Variants in IFT81 observed in about 807,000 individuals in gnomAD.
IFT81 encodes the protein intraflagellar transport protein 81 homolog.
A neutral mutation model predicts 102.6 loss-of-function variants in IFT81; 72 were observed. The observed-to-expected ratio is 0.70, with a 90% CI of 0.58 to 0.85. IFT81 has a LOEUF of 0.85. IFT81 is among the 40% of genes least tolerant of loss of function. The probability of loss-of-function intolerance (pLI) is 0.00; values close to 1 mark genes in which losing one functional copy is unlikely to be tolerated. For missense variants in IFT81, 723 were observed against 787.3 expected, an observed-to-expected ratio of 0.92 and a Z score of 0.98; for synonymous variants, 237 against 242.7, an observed-to-expected ratio of 0.98 and a Z score of 0.22.
At chr12:110,203,836 A>G (rs970187064) in intron 14 of IFT81, 28 bp from the exon 15 acceptor site, 1 of 1,470,818 alleles carries the variant, frequency 6.8e-7, no homozygotes, top group Admixed American at 1.7e-5. Context: ...TTTTTCACTT[A>G]TTCAATCATT....
intron 8 of IFT81, among the ~76,000 whole-genome samples, chr12:110,138,419 C>G (rs1022058364): frequency 4.6e-5 from 7 of 151,932 alleles, no homozygotes; most frequent in African/African-American, 1.7e-4. Context: ...ATAAAACATT[C>G]ACTGAGGTTA....
chr12:110,183,195 T>A (rs2137525401), intron 12 of IFT81, among the ~76,000 whole-genome samples: 1 of 152,332 alleles, frequency 6.6e-6, no homozygotes, highest in Non-Finnish European at 1.5e-5. Flanking sequence ...ATCAGTAGAC[T>A]GAATGCTCTT....
In IFT81 at chr12:110,218,075, A is replaced by G. The variant is rs1870365397; in HGVS notation, c.1880A>G (p.Glu627Gly). ...CGGGAAAAACAAAAAGTTATACGAG[A>G]AAGTCATGGTCCAAATATGAAACAA... is the stretch of plus-strand genomic sequence containing the variant. ...KLREKQKVIR[E>G]SHGPNMKQAK... The change falls in exon 19 of 19, where the codon GAA becomes GGA. Residue 627 changes from glutamate (E) to glycine (G), a missense_variant. Glu to Gly is a moderately conservative substitution (Grantham distance 98). Coordinates refer to ENST00000242591, the MANE Select transcript of IFT81 (RefSeq NM_014055.4). The G allele has an allele frequency of 6.2e-7, 1 of 1,603,924 alleles. No individual in the cohort carries two copies. Among genetic ancestry groups the G allele is most frequent in the African/African-American group, 1.3e-5 (1 of 74,166 alleles).
At chr12:110,148,179 T>A (rs1895329344) in intron 10 of IFT81, among the ~76,000 whole-genome samples, 1 of 152,174 alleles carries the variant, frequency 6.6e-6, no homozygotes, top group African/African-American at 2.4e-5. Context: ...GGTTCATTTT[T>A]CCCATGATAT....
intron 14 of IFT81, among the ~76,000 whole-genome samples, chr12:110,195,161 A>C (rs1194014072): frequency 2.0e-5 from 3 of 152,116 alleles, no homozygotes; most frequent in Admixed American, 6.6e-5. Flanking sequence ...TCAATTTTAA[A>C]GCCTATAAAA....
intron 10 of IFT81, among the ~76,000 whole-genome samples, chr12:110,150,793 C>T (rs1282401854): frequency 6.6e-6 from 1 of 152,120 alleles, no homozygotes; most frequent in Non-Finnish European, 1.5e-5. Context: ...TATTCCTGTG[C>T]TTCCACCCTA....
At chr12:110,196,993 T>G (rs549535348) in intron 14 of IFT81, among the ~76,000 whole-genome samples, 1 of 152,074 alleles carries the variant, frequency 6.6e-6, no homozygotes, top group South Asian at 2.1e-4. Flanking sequence ...GAGCCCAGGA[T>G]TTCAATACCA....
chr12:110,187,865 A>G (rs1897607378), intron 12 of IFT81, among the ~76,000 whole-genome samples: 3 of 152,122 alleles, frequency 2.0e-5, no homozygotes. Context: ...CCTTACTCCA[A>G]GGATGTAGGT....
At chr12:110,198,331 T>A in intron 14 of IFT81, among the ~76,000 whole-genome samples, 1 of 152,138 alleles carries the variant, frequency 6.6e-6, no homozygotes, top group Non-Finnish European at 1.5e-5. Flanking sequence ...ATGCTTTCTT[T>A]TATTTTGTTG....
intron 11 of IFT81, among the ~76,000 whole-genome samples, chr12:110,163,490 C>T (rs1041370929): frequency 6.6e-6 from 1 of 152,154 alleles, no homozygotes; most frequent in Admixed American, 6.5e-5. Context: ...ATCTGCCTGC[C>T]TTGGCCTCCC....
intron 2 of IFT81, 94 bp downstream of exon 2, chr12:110,127,618 G>A: frequency 8.8e-7 from 1 of 1,131,300 alleles, no homozygotes. Context: ...TAACCTCTCT[G>A]AGCTTTATTT....
chr12:110,169,985 C>G (rs886128321), intron 11 of IFT81, among the ~76,000 whole-genome samples: 1 of 152,010 alleles, frequency 6.6e-6, no homozygotes, highest in Non-Finnish European at 1.5e-5. Flanking sequence ...TGGAGTCTTG[C>G]TCTGTTGCCC....
At chr12:110,202,129 C>T (rs892084972) in intron 14 of IFT81, among the ~76,000 whole-genome samples, 1 of 152,198 alleles carries the variant, frequency 6.6e-6, no homozygotes, top group Non-Finnish European at 1.5e-5. Context: ...TTTACACCAG[C>T]ATCACCACAA....
At chr12:110,196,372 T>G (rs1898002758) in intron 14 of IFT81, among the ~76,000 whole-genome samples, 1 of 152,074 alleles carries the variant, frequency 6.6e-6, no homozygotes, top group South Asian at 2.1e-4. Context: ...ATACAAAAAT[T>G]AGCCAGCTAT....
intron 11 of IFT81, among the ~76,000 whole-genome samples, chr12:110,164,908 A>G (rs1472226083): frequency 2.0e-5 from 3 of 152,202 alleles, no homozygotes; most frequent in Non-Finnish European, 4.4e-5. Context: ...TTTTCTTAAG[A>G]AAATGCTGCC....
chr12:110,185,976 T>G (rs1209006587), intron 12 of IFT81, among the ~76,000 whole-genome samples: 1 of 152,140 alleles, frequency 6.6e-6, no homozygotes, highest in Non-Finnish European at 1.5e-5. Flanking sequence ...CTTTTCATGG[T>G]TCTTCTTTTC....
At chr12:110,179,773 T>TATACACACACACAC (rs774113734) in intron 11 of IFT81, among the ~76,000 whole-genome samples, 7 of 50,452 alleles carry the variant, frequency 1.4e-4, no homozygotes, top group Non-Finnish European at 2.5e-4. Flanking sequence ...TATATATATA[T>TATACACACACACAC]ACACACACAC....
At chr12:110,161,955 G>A (rs1896157605) in intron 10 of IFT81, among the ~76,000 whole-genome samples, 1 of 152,126 alleles carries the variant, frequency 6.6e-6, no homozygotes, top group Non-Finnish European at 1.5e-5. Context: ...TCTTAAACTA[G>A]TACAGCTATG....
At chr12:110,212,712 C>G (rs987064958) in intron 18 of IFT81, among the ~76,000 whole-genome samples, 1 of 151,976 alleles carries the variant, frequency 6.6e-6, no homozygotes, top group African/African-American at 2.4e-5. Flanking sequence ...TGGCAGGCAC[C>G]TGTAATCCCA....
Sources: gnomAD v4.1 joint callset for allele counts (sites outside exome capture counted in the v4.1 genomes callset) on GRCh38, gnomAD v4.1.1 for gene constraint, MANE v1.5 for transcripts, NCBI Gene and HGNC (gene_info 2026-07-23, HGNC 2026-07-21) for gene names.